Variants in ABCC9 observed in about 807,000 individuals in gnomAD.
ABCC9 encodes ATP-binding cassette sub-family C member 9.
ABCC9 carries 95 observed loss-of-function variants against 188.3 expected under a neutral mutation model. That is an observed-to-expected ratio of 0.50 (90% CI 0.43 to 0.60). The LOEUF is 0.60. Ranked by LOEUF, ABCC9 falls within the 20% of genes least tolerant of loss-of-function variation. The probability of loss-of-function intolerance (pLI) is 0.00; values close to 1 mark genes in which losing one functional copy is unlikely to be tolerated. For synonymous variants in ABCC9, 659 were observed against 652.7 expected (o/e 1.01, Z -0.15); for missense variants, 1,102 against 1,876.3 (o/e 0.59, Z 7.62).
At chr12:21,912,837 T>G in intron 8 of ABCC9, 35 bp downstream of exon 8, 1 of 1,599,934 alleles carries the variant, frequency 6.3e-7, no homozygotes, top group Non-Finnish European at 8.6e-7. Context: ...AATCCATCAA[T>G]AATATGTTTC....
At position 21,805,438 on chromosome 12, in the gene ABCC9, G is replaced by T. The variant is rs899677715; in HGVS notation, c.4512+560C>A. 2.5e-5 allele frequency: 22 copies of T among 863,784 alleles called. No homozygotes were observed. In the Admixed American group the frequency reaches 4.9e-4, roughly 19 times the overall value. The allele number at this position is 863,784 out of a possible 1,614,324, so 53.5% of individuals were successfully genotyped here. The stretch of plus-strand genomic sequence containing the variant: ...AAGAATCCACTTGCAAAGAGGAAAA[G>T]GCAGAAAACTGTGGACTACTGTAAG... On this transcript the variant is annotated intron_variant, in intron 39 of 39. Coordinates refer to ENST00000261200, the MANE Select transcript of ABCC9 (RefSeq NM_020297.4).
intron 6 of ABCC9, among the ~76,000 whole-genome samples, chr12:21,916,264 C>T (rs1330626698): frequency 6.6e-6 from 1 of 152,068 alleles, no homozygotes; most frequent in African/African-American, 2.4e-5. Flanking sequence ...TTATCAACAC[C>T]ATTATTGAGT....
Position 21,844,470 on chromosome 12 carries a change from C to T in ABCC9, c.3315+13G>A. On this transcript the variant is annotated intron_variant, in intron 28 of 39. Transcript: ENST00000261200. ...AACTAATTTTTGAACTTGGAAGTAA[C>T]CCAGTTACTCACCTGATCAATGATA... 2 of 1,608,934 alleles carry T rather than the reference C, an allele frequency of 1.2e-6. No individual in the cohort carries two copies. The highest frequency in any genetic ancestry group is 1.7e-6 in the Non-Finnish European group (2 of 1,175,434).
chr12:21,896,184 A>G (rs912495740), intron 12 of ABCC9, among the ~76,000 whole-genome samples: 3 of 147,842 alleles, frequency 2.0e-5, no homozygotes, highest in African/African-American at 7.5e-5. Flanking sequence ...TACATGTGCC[A>G]TGCTGGTGCG....
intron 11 of ABCC9, among the ~76,000 whole-genome samples, chr12:21,906,742 A>C (rs1027821321): frequency 2.0e-5 from 3 of 152,116 alleles, no homozygotes; most frequent in Admixed American, 6.6e-5. Context: ...CTTATTTGAA[A>C]ATATGAGGGT....
chr12:21,875,165 T>A (rs1354114537), intron 17 of ABCC9, among the ~76,000 whole-genome samples: 1 of 141,024 alleles, frequency 7.1e-6, no homozygotes, highest in African/African-American at 2.8e-5. Flanking sequence ...TTCACAGGTA[T>A]ACACATATGC....
At chr12:21,843,001 A>G (rs1944469895) in intron 28 of ABCC9, among the ~76,000 whole-genome samples, 1 of 151,908 alleles carries the variant, frequency 6.6e-6, no homozygotes, top group Non-Finnish European at 1.5e-5. Context: ...GTTCCCAGTT[A>G]TCTATTGTAT....
intron 24 of ABCC9, among the ~76,000 whole-genome samples, chr12:21,850,951 G>T (rs889572612): frequency 2.2e-4 from 33 of 151,678 alleles, no homozygotes; most frequent in Admixed American, 1.1e-3. Flanking sequence ...GTATATTTTT[G>T]CATATATCTT....
rs1461190484 is a variant in ABCC9, at chr12:21,872,524, C to T, written c.2198+101G>A. 11 of 940,566 alleles carry T rather than the reference C, an allele frequency of 1.2e-5. No individual in the cohort carries two copies. The Admixed American group carries it at 1.9e-4, about 17-fold the overall frequency. 58.3% of individuals were successfully genotyped at this position (940,566 alleles called of 1,614,324 possible). A position where few individuals can be genotyped will look rare whatever the true frequency, so the allele number is the denominator to read the frequency against. ...AAAGCTGTGCTTATTTCTGCGTGGT[C>T]TTCAGAGTCAGAACATGTAAATGTA... On this transcript the variant is annotated intron_variant, in intron 18 of 39. Coordinates refer to ENST00000261200, the MANE Select transcript of ABCC9 (RefSeq NM_020297.4).
chr12:21,852,623 A>G, intron 22 of ABCC9, 118 bp from the exon 23 acceptor site: 2 of 1,251,148 alleles, frequency 1.6e-6, no homozygotes, highest in South Asian at 1.3e-5. Context: ...AATCTAATTT[A>G]TTTAAAAAAA....
chr12:21,877,427 C>G (rs1051997686), intron 16 of ABCC9, among the ~76,000 whole-genome samples: 2 of 151,962 alleles, frequency 1.3e-5, no homozygotes, highest in Admixed American at 1.3e-4. Context: ...TCAAAAAAAC[C>G]GTAAAATATG....
chr12:21,922,974 T>C (rs1273269575), intron 5 of ABCC9: 1 of 151,432 alleles, frequency 6.6e-6, no homozygotes, highest in East Asian at 1.9e-4. Context: ...ATAGATTAAA[T>C]TTAAATAGTC....
chr12:21,833,363 G>T (rs776421180), intron 30 of ABCC9, among the ~76,000 whole-genome samples: 3 of 151,870 alleles, frequency 2.0e-5, no homozygotes, highest in African/African-American at 4.8e-5. Flanking sequence ...TAGAAGTTGA[G>T]TTGTCTTTTG....
intron 30 of ABCC9, among the ~76,000 whole-genome samples, chr12:21,835,931 C>T (rs1944055774): frequency 1.3e-5 from 2 of 152,160 alleles, no homozygotes; most frequent in Admixed American, 6.6e-5. Context: ...TCCACATCAT[C>T]TTCAATTTCC....
At chr12:21,888,518 A>G (rs902899429) in intron 14 of ABCC9, among the ~76,000 whole-genome samples, 3 of 152,112 alleles carry the variant, frequency 2.0e-5, no homozygotes, top group Non-Finnish European at 4.4e-5. Flanking sequence ...TCAGCCAAGG[A>G]CCACCAGCAT....
chr12:21,850,373 G>A (rs1375374867), intron 24 of ABCC9, among the ~76,000 whole-genome samples: 1 of 151,974 alleles, frequency 6.6e-6, no homozygotes, highest in East Asian at 1.9e-4. Context: ...GAATTCAGGT[G>A]CCTGCCTTTT....
rs765236712 is a variant in ABCC9 at position 21,845,757 on chromosome 12, G to T, written c.2942C>A (p.Thr981Asn). 3 of 1,613,862 alleles carry T rather than the reference G, an allele frequency of 1.9e-6. No homozygotes were observed. The highest frequency in any genetic ancestry group is 8.5e-7 in the Non-Finnish European group (1 of 1,179,848). The change falls in exon 26 of 40, where the codon ACC becomes AAC. Residue 981 changes from threonine (T) to asparagine (N), a missense_variant. Around this residue, in one of 12 missense-constraint regions of ABCC9, gnomAD observed 131 missense variants for 170.2 expected, o/e 0.77. Transcript: ENST00000261200. ...TCCAGATGTCAGGTAGCGCCAGCAG[G>T]TTTTCCATGGCATTTTAGTCCTGAG... ...MRLRTKMPWKTCWRYLTSGGF... is the reference protein window; with the variant it reads ...MRLRTKMPWKNCWRYLTSGGF...
At chr12:21,879,298 T>C (rs1946516129) in intron 16 of ABCC9, among the ~76,000 whole-genome samples, 1 of 152,138 alleles carries the variant, frequency 6.6e-6, no homozygotes, top group Non-Finnish European at 1.5e-5. Flanking sequence ...GTGACTTTGA[T>C]AGGAAGGAGT....
intron 12 of ABCC9, among the ~76,000 whole-genome samples, chr12:21,904,451 T>C (rs1490667188): frequency 6.6e-6 from 1 of 152,014 alleles, no homozygotes; most frequent in East Asian, 1.9e-4. Flanking sequence ...ACTAAAGAGC[T>C]TCTGCACTGC....
Sources: allele counts gnomAD v4.1 joint callset (sites outside exome capture counted in the v4.1 genomes callset), GRCh38; gene constraint gnomAD v4.1.1; regional missense constraint gnomAD v4.1.1; transcripts MANE v1.5; gene names NCBI Gene and HGNC (gene_info 2026-07-23, HGNC 2026-07-21).